The following GALNT16 variants were observed in gnomAD, a reference collection of about 807,000 sequenced individuals.
GALNT16 encodes the protein polypeptide N-acetylgalactosaminyltransferase 16.
In GALNT16, 40 loss-of-function variants were observed where a neutral mutation model predicts 76.1. The observed-to-expected ratio is 0.53, with a 90% CI of 0.41 to 0.68. The LOEUF (loss-of-function observed/expected upper bound fraction) is 0.68. Ranked by LOEUF, GALNT16 falls within the 30% of genes least tolerant of loss-of-function variation. GALNT16 has a pLI of 0.00. For missense variants in GALNT16, 621 were observed against 731.9 expected (o/e 0.85, Z 1.75); for synonymous variants, 276 against 285.2 (o/e 0.97, Z 0.32).
At chr14:69,329,740 T>C (rs371400572) in intron 6 of GALNT16, among the ~76,000 whole-genome samples, 1 of 152,072 alleles carries the variant, frequency 6.6e-6, no homozygotes. Flanking sequence ...GGGGAGTAGG[T>C]ACCTCACATG....
intron 1 of GALNT16, among the ~76,000 whole-genome samples, chr14:69,297,736 C>T (rs545874769): frequency 8.8e-4 from 132 of 150,248 alleles, no homozygotes; most frequent in African/African-American, 3.2e-3. Flanking sequence ...AGATCACATG[C>T]TGAGGTTTCT....
At chr14:69,368,786 C>G in the GALNT16 span, among the ~76,000 whole-genome samples, 2 of 152,134 alleles carry the variant, frequency 1.3e-5, no homozygotes, top group Non-Finnish European at 2.9e-5. Flanking sequence ...TTCTTGGGAT[C>G]TTTTAACTCG....
chr14:69,332,171 G>C (rs2045359516), intron 7 of GALNT16, among the ~76,000 whole-genome samples: 1 of 152,096 alleles, frequency 6.6e-6, no homozygotes, highest in Non-Finnish European at 1.5e-5. Flanking sequence ...CAATATTTTT[G>C]ATATATTACA....
At chr14:69,322,807 C>A (rs188426262) in intron 2 of GALNT16, among the ~76,000 whole-genome samples, 1 of 152,242 alleles carries the variant, frequency 6.6e-6, no homozygotes, top group Non-Finnish European at 1.5e-5. Context: ...AGGAGAATCT[C>A]TTGAACCTGG....
intron 1 of GALNT16, among the ~76,000 whole-genome samples, chr14:69,309,555 T>C (rs1000279810): frequency 1.3e-5 from 2 of 152,150 alleles, no homozygotes; most frequent in Non-Finnish European, 2.9e-5. Flanking sequence ...CAAGTGATCC[T>C]CCTGCCTTGG....
At chr14:69,323,186 G>C (rs184107757) in intron 2 of GALNT16, among the ~76,000 whole-genome samples, 1 of 152,172 alleles carries the variant, frequency 6.6e-6, no homozygotes, top group East Asian at 1.9e-4. Flanking sequence ...CGCTCCAGGG[G>C]AGCAAAGGGA....
In GALNT16 at chr14:69,277,340, T is replaced by C. The variant is rs572518960; in HGVS notation, c.177+16873T>C. 5.3e-5 allele frequency among the ~76,000 whole-genome samples: 8 copies of C among 152,348 alleles called. No individual in the cohort carries two copies. In the East Asian group the frequency reaches 1.5e-3, roughly 29 times the overall value. Reference sequence around the variant, plus strand: ...TGCACCCGTTAACTCGTCATTTACATTAGGTATATCTCCTAATGCTATCCC... The same window carrying C: ...TGCACCCGTTAACTCGTCATTTACACTAGGTATATCTCCTAATGCTATCCC... On this transcript the variant is annotated intron_variant, in intron 1 of 14. Coordinates refer to ENST00000448469, the MANE Select transcript of GALNT16 (RefSeq NM_001168368.2).
Position 69,339,780 on chromosome 14 carries a change from C to T in GALNT16, c.1187+161C>T, listed in dbSNP as rs372104850. ...TTTGGGTCCTGGGAGGGAATGCAAC[C>T]GCAGAGACAAGACCTTAGGCTTTGA... On this transcript the variant is annotated intron_variant, in intron 11 of 14. Transcript: ENST00000448469. Among the ~76,000 whole-genome samples, 38 of 152,322 alleles carry T rather than the reference C, an allele frequency of 2.5e-4. No homozygotes were observed. In the South Asian group the frequency reaches 5.4e-3, roughly 22 times the overall value.
At chr14:69,315,809 TAA>T (rs1041733568) in intron 1 of GALNT16, among the ~76,000 whole-genome samples, 1 of 149,402 alleles carries the variant, frequency 6.7e-6, no homozygotes, top group Non-Finnish European at 1.5e-5. Flanking sequence ...AATCAGTTTT[TAA>T]AAAAAAAAAT....
chr14:69,362,553 A>T, the GALNT16 span, among the ~76,000 whole-genome samples: 1 of 152,248 alleles, frequency 6.6e-6, no homozygotes, highest in Non-Finnish European at 1.5e-5. Flanking sequence ...CAATAAGAGA[A>T]CAATTGCTGT....
At chr14:69,270,474 C>A (rs2044393670) in intron 1 of GALNT16, among the ~76,000 whole-genome samples, 1 of 152,218 alleles carries the variant, frequency 6.6e-6, no homozygotes, top group African/African-American at 2.4e-5. Flanking sequence ...CTGTGAGATG[C>A]TTCTTGTCAA....
chr14:69,274,998 A>G (rs1214556022), intron 1 of GALNT16, among the ~76,000 whole-genome samples: 1 of 152,268 alleles, frequency 6.6e-6, no homozygotes, highest in Non-Finnish European at 1.5e-5. Flanking sequence ...GGCACAGCTT[A>G]CAAGGGGAAA....
intron 5 of GALNT16, among the ~76,000 whole-genome samples, chr14:69,327,023 C>T (rs763362014): frequency 6.6e-6 from 1 of 152,198 alleles, no homozygotes; most frequent in Non-Finnish European, 1.5e-5. Flanking sequence ...GCATTGACTT[C>T]ATAAGGCAGA....
At chr14:69,302,723 AAAATAC>A (rs1428309133) in intron 1 of GALNT16, among the ~76,000 whole-genome samples, 4 of 152,240 alleles carry the variant, frequency 2.6e-5, no homozygotes, top group Non-Finnish European at 5.9e-5. Context: ...TTAGCAAGTA[AAAATAC>A]AAGACATCCA....
At chr14:69,359,657 A>G (rs2140214311), downstream of GALNT16, among the ~76,000 whole-genome samples, 1 of 152,344 alleles carries the variant, frequency 6.6e-6, no homozygotes, top group South Asian at 2.1e-4. Context: ...ATAAACAGCT[A>G]GGTTTAAACT....
the GALNT16 span, among the ~76,000 whole-genome samples, chr14:69,369,896 T>A: frequency 1.9e-3 from 290 of 152,204 alleles, 1 homozygote; most frequent in Non-Finnish European, 2.4e-3. Context: ...AGGCCTGAAA[T>A]TGGGAATTCA....
chr14:69,292,340 T>C (rs2044697266), intron 1 of GALNT16, among the ~76,000 whole-genome samples: 1 of 152,374 alleles, frequency 6.6e-6, no homozygotes, highest in South Asian at 2.1e-4. Context: ...TTATGAACTC[T>C]GTCCTGAGAC....
At chr14:69,347,701 A>G (rs1338885122) in intron 13 of GALNT16, among the ~76,000 whole-genome samples, 176 bp from the exon 14 acceptor site, 2 of 152,216 alleles carry the variant, frequency 1.3e-5, no homozygotes, top group African/African-American at 4.8e-5. Flanking sequence ...AAATTCAAAC[A>G]TATAGAAAAA....
At chr14:69,291,609 G>A (rs1200243546) in intron 1 of GALNT16, among the ~76,000 whole-genome samples, 3 of 152,170 alleles carry the variant, frequency 2.0e-5, no homozygotes, top group South Asian at 2.1e-4. Flanking sequence ...TGTGCTCACC[G>A]ACCACCAGGC....
Sources: gnomAD v4.1 joint callset for allele counts (sites outside exome capture counted in the v4.1 genomes callset) on GRCh38, gnomAD v4.1.1 for gene constraint, MANE v1.5 for transcripts, NCBI Gene and HGNC (gene_info 2026-07-23, HGNC 2026-07-21) for gene names.